The following BRINP3 variants were observed in gnomAD, a reference collection of about 807,000 sequenced individuals.
BRINP3 encodes the protein BMP/retinoic acid inducible neural specific 3.
Under a neutral mutation model 71.0 loss-of-function variants are expected in BRINP3, and 19 were observed. The observed-to-expected ratio is 0.27, with a 90% CI of 0.19 to 0.39. The LOEUF (loss-of-function observed/expected upper bound fraction) is 0.39, where lower values mean the gene tolerates loss of function less well. Among genes scored for constraint, BRINP3 ranks in the 10% least tolerant of loss-of-function variants. The pLI, the probability that BRINP3 is intolerant of heterozygous loss-of-function variation, is 1.00. For synonymous variants in BRINP3, 380 were observed against 337.7 expected (o/e 1.13, Z -1.37); for missense variants, 959 against 940.8 (o/e 1.02, Z -0.25).
chr1:190,226,003 C>A lies in BRINP3; in HGVS notation c.961+79G>T, dbSNP rs1347816332. 6 of 972,024 alleles carry A rather than the reference C, an allele frequency of 6.2e-6. No individual in the cohort carries two copies. In the African/African-American group the frequency reaches 6.7e-5, roughly 11 times the overall value. 60.2% of individuals were successfully genotyped at this position (972,024 alleles called of 1,614,324 possible). A position where few individuals can be genotyped will look rare whatever the true frequency, so the allele number is the denominator to read the frequency against. On this transcript the variant is annotated intron_variant, in intron 6 of 7. Transcript: ENST00000367462. ...AATCTTTCCAACTATGTAATAGTTTCTTGAAAAAGGACAAATTAGCCATTT... is the reference window on the plus strand; with the variant it reads ...AATCTTTCCAACTATGTAATAGTTTATTGAAAAAGGACAAATTAGCCATTT...
intron 6 of BRINP3, among the ~76,000 whole-genome samples, chr1:190,185,289 G>T (rs564412556): frequency 6.6e-6 from 1 of 152,070 alleles, no homozygotes; most frequent in East Asian, 1.9e-4. Flanking sequence ...ATTGAAAAAT[G>T]GACTCGAATA....
chr1:190,138,398 C>T (rs1322859194), intron 7 of BRINP3, among the ~76,000 whole-genome samples: 2 of 151,568 alleles, frequency 1.3e-5, no homozygotes, highest in African/African-American at 4.8e-5. Flanking sequence ...GTTAAAAAAA[C>T]AAATCCTTGT....
In BRINP3 at chr1:190,106,583, C is replaced by T. The variant is rs550560708; in HGVS notation, c.1185-7449G>A. On this transcript the variant is annotated intron_variant, in intron 7 of 7. Coordinates refer to ENST00000367462, the MANE Select transcript of BRINP3 (RefSeq NM_199051.3). ...TATGAATAAATACATTAATTAACAA[C>T]ATAGAGAGGAAGCTAGAAAAGCAAG... 2.4e-4 allele frequency among the ~76,000 whole-genome samples: 36 copies of T among 151,426 alleles called. 1 individual carries two copies. The South Asian group carries it at 7.3e-3, about 31-fold the overall frequency.
chr1:190,401,277 G>A (rs192187409), intron 2 of BRINP3, among the ~76,000 whole-genome samples: 1 of 147,006 alleles, frequency 6.8e-6, no homozygotes, highest in Admixed American at 7.1e-5. Flanking sequence ...AGAATCACTT[G>A]AACCCAGGAG....
chr1:190,448,796 T>C (rs564661691), intron 2 of BRINP3, among the ~76,000 whole-genome samples: 1 of 152,074 alleles, frequency 6.6e-6, no homozygotes, highest in Non-Finnish European at 1.5e-5. Context: ...GTCACCTTGT[T>C]TCAAGTTTGA....
chr1:190,314,914 G>A (rs901254830), intron 2 of BRINP3, among the ~76,000 whole-genome samples: 2 of 152,086 alleles, frequency 1.3e-5, no homozygotes, highest in African/African-American at 4.8e-5. Flanking sequence ...AAAACAAGAA[G>A]TACTTCCTAT....
intron 3 of BRINP3, among the ~76,000 whole-genome samples, chr1:190,267,707 G>A (rs986217837): frequency 2.0e-5 from 3 of 151,854 alleles, no homozygotes; most frequent in African/African-American, 2.4e-5. Context: ...ATTACATAAC[G>A]AATTGACAGA....
At chr1:190,305,367 G>A (rs1276949871) in intron 2 of BRINP3, among the ~76,000 whole-genome samples, 1 of 151,670 alleles carries the variant, frequency 6.6e-6, no homozygotes, top group African/African-American at 2.4e-5. Flanking sequence ...TCCATTAATT[G>A]ATGAATGAAT....
At position 190,447,618 on chromosome 1, in the gene BRINP3, C is replaced by CTA. The variant is rs200315088; in HGVS notation, c.236+7036_236+7037insTA. On this transcript the variant is annotated intron_variant, in intron 2 of 7. Transcript: ENST00000367462. ...TCTCCCTATAGCTCTCTCTCTCTCTCTCTCTATATATATATACTACATATA... is the reference window on the plus strand; with the variant it reads ...TCTCCCTATAGCTCTCTCTCTCTCTCTATCTCTATATATATATACTACATATA... Among the ~76,000 whole-genome samples the CTA allele has an allele frequency of 5.8e-3, 844 of 146,422 alleles. 13 individuals are homozygous for CTA. Among genetic ancestry groups the CTA allele is most frequent in the African/African-American group, 0.019 (753 of 39,962 alleles).
At chr1:190,372,494 C>T (rs868730059) in intron 2 of BRINP3, among the ~76,000 whole-genome samples, 1 of 152,160 alleles carries the variant, frequency 6.6e-6, no homozygotes, top group Non-Finnish European at 1.5e-5. Flanking sequence ...CAGAAAGGTT[C>T]TGACTGTCAC....
chr1:190,349,041 G>A (rs1489286559), intron 2 of BRINP3, among the ~76,000 whole-genome samples: 1 of 152,102 alleles, frequency 6.6e-6, no homozygotes, highest in East Asian at 1.9e-4. Context: ...TGAGCTTATG[G>A]AAGCATAATA....
At chr1:190,127,131 T>C (rs1029341378) in intron 7 of BRINP3, among the ~76,000 whole-genome samples, 1 of 151,816 alleles carries the variant, frequency 6.6e-6, no homozygotes. Context: ...TATGAGTCTT[T>C]TCTAATAAAC....
chr1:190,101,234 T>C (rs747365125), intron 7 of BRINP3, among the ~76,000 whole-genome samples: 1 of 152,160 alleles, frequency 6.6e-6, no homozygotes, highest in Non-Finnish European at 1.5e-5. Context: ...TTAAGATAAA[T>C]TCTCTCAAAA....
At chr1:190,102,010 ACTGCCAAAG>A (rs1483951244) in intron 7 of BRINP3, among the ~76,000 whole-genome samples, 2 of 152,286 alleles carry the variant, frequency 1.3e-5, no homozygotes, top group East Asian at 3.9e-4. Flanking sequence ...AATTCAGCAT[ACTGCCAAAG>A]CTCTGGTACC....
At chr1:190,292,089 G>T (rs1266477802) in intron 2 of BRINP3, among the ~76,000 whole-genome samples, 1 of 152,056 alleles carries the variant, frequency 6.6e-6, no homozygotes, top group Non-Finnish European at 1.5e-5. Context: ...TGTGAAATCT[G>T]AAAAAGTTGA....
intron 2 of BRINP3, among the ~76,000 whole-genome samples, chr1:190,425,890 CAGG>C (rs2102480905): frequency 6.6e-6 from 1 of 151,850 alleles, no homozygotes; most frequent in East Asian, 1.9e-4. Context: ...TTCCTTTCAA[CAGG>C]AAGCCAATAA....
intron 7 of BRINP3, among the ~76,000 whole-genome samples, chr1:190,135,678 G>T (rs534119825): frequency 6.6e-6 from 1 of 152,134 alleles, no homozygotes; most frequent in African/African-American, 2.4e-5. Context: ...GGCTAAACTT[G>T]AGCATCATGT....
chr1:190,373,567 T>C (rs1180042311), intron 2 of BRINP3, among the ~76,000 whole-genome samples: 2 of 151,746 alleles, frequency 1.3e-5, no homozygotes, highest in African/African-American at 4.8e-5. Context: ...GTGATTTTGC[T>C]TGCTGGATAG....
At chr1:190,146,040 T>C (rs115642678) in intron 7 of BRINP3, among the ~76,000 whole-genome samples, 1,539 of 152,198 alleles carry the variant, frequency 0.01, 15 homozygotes, top group African/African-American at 0.033. Flanking sequence ...TAATGGACTT[T>C]GGGGACTTGG....
Sources: allele counts gnomAD v4.1 joint callset (sites outside exome capture counted in the v4.1 genomes callset), GRCh38; gene constraint gnomAD v4.1.1; transcripts MANE v1.5; gene names NCBI Gene and HGNC (gene_info 2026-07-23, HGNC 2026-07-21).